Variants in DERL2 observed in about 807,000 individuals in gnomAD.
DERL2 encodes the protein derlin 2.
In DERL2, 13 loss-of-function variants were observed where a neutral mutation model predicts 32.0. The observed-to-expected ratio is 0.41, with a 90% CI of 0.26 to 0.65. DERL2 has a LOEUF of 0.65. DERL2 is among the 30% of genes least tolerant of loss of function. The pLI, the probability that DERL2 is intolerant of heterozygous loss-of-function variation, is 0.35. For synonymous variants in DERL2, 111 were observed against 104.7 expected (o/e 1.06, Z -0.37); for missense variants, 208 against 296.3 (o/e 0.70, Z 2.19).
At chr17:5,483,171 T>G (rs918563976) in intron 2 of DERL2, among the ~76,000 whole-genome samples, 4 of 152,154 alleles carry the variant, frequency 2.6e-5, no homozygotes, top group Non-Finnish European at 5.9e-5. Context: ...CTGGAAAGAC[T>G]AGGTTAATCG....
chr17:5,480,354 A>T lies in DERL2; in HGVS notation c.523+33T>A, dbSNP rs752629404. 3.8e-6 allele frequency: 6 copies of T among 1,577,080 alleles called. No individual in the cohort carries two copies. In the African/African-American group the frequency reaches 8.3e-5, roughly 22 times the overall value. On this transcript the variant is annotated intron_variant, in intron 5 of 6. Transcript: ENST00000158771. ...TAGTAACAAAATACTTTTACAGGTA[A>T]AATAATTTAAAAAATAGTGAGAAGA...
chr17:5,480,776 A>G (rs1463722642), intron 4 of DERL2, 194 bp from the exon 5 acceptor site: 5 of 476,838 alleles, frequency 1.0e-5, no homozygotes, highest in Admixed American at 3.9e-5. Context: ...AGGCTAAATT[A>G]TCGAGATTTA....
Position 5,474,442 on chromosome 17 carries a change from T to C in DERL2, c.*242A>G. 2.5e-6 allele frequency: 1 copy of C among 404,214 alleles called. No individual in the cohort carries two copies. Among genetic ancestry groups the C allele is most frequent in the Non-Finnish European group, 4.4e-6 (1 of 227,400 alleles). The allele number at this position is 404,214 out of a possible 1,614,324, so 25.0% of individuals were successfully genotyped here. ...TGTACTTGTTAGAGGTGGCAGGATATTTGTTTCTCCAGTTTTTTGGCTCTA... is the reference window on the plus strand; with the variant it reads ...TGTACTTGTTAGAGGTGGCAGGATACTTGTTTCTCCAGTTTTTTGGCTCTA... On this transcript the variant is annotated 3_prime_UTR_variant, in exon 7 of 7. Coordinates refer to ENST00000158771, the MANE Select transcript of DERL2 (RefSeq NM_016041.5). The surrounding 1 kb of genome is among the most constrained non-coding windows in gnomAD (Gnocchi z 4.3).
intron 2 of DERL2, among the ~76,000 whole-genome samples, chr17:5,484,016 T>C (rs1905975889): frequency 1.3e-5 from 2 of 152,234 alleles, no homozygotes; most frequent in South Asian, 2.1e-4. Flanking sequence ...AGCATACGCA[T>C]AACTGCAAAG....
intron 2 of DERL2, 130 bp downstream of exon 2, chr17:5,485,021 G>C (rs892453541): frequency 2.7e-5 from 15 of 545,956 alleles, no homozygotes; most frequent in Middle Eastern, 3.5e-4. Flanking sequence ...TTTATATCCT[G>C]ACAAGGCAAC....
chr17:5,482,790 C>T lies in DERL2; in HGVS notation c.233+19G>A. Reference sequence around the variant, plus strand: ...CCTAAGAAAAAGTTTTGATGCTGACCCCATTTAATAAAGGATACAGAAAAA... The same window carrying T: ...CCTAAGAAAAAGTTTTGATGCTGACTCCATTTAATAAAGGATACAGAAAAA... On this transcript the variant is annotated intron_variant, in intron 3 of 6. Coordinates refer to ENST00000158771, the MANE Select transcript of DERL2 (RefSeq NM_016041.5). 1 of 1,341,788 alleles carries T rather than the reference C, an allele frequency of 7.5e-7. No homozygotes were observed. The highest frequency in any genetic ancestry group is 1.0e-6 in the Non-Finnish European group (1 of 961,314). The allele number at this position is 1,341,788 out of a possible 1,614,324, so 83.1% of individuals were successfully genotyped here.
Position 5,479,523 on chromosome 17 carries a change from A to AAAAG in DERL2, c.614+527_614+530dup, listed in dbSNP as rs1567611522. On this transcript the variant is annotated intron_variant, in intron 6 of 6. Coordinates refer to ENST00000158771, the MANE Select transcript of DERL2 (RefSeq NM_016041.5). ...AAAAAAAAAAAAAAAAAAAAAAAAA[A>AAAAG]AAAGAAAGAAAGAAATCAAAGTTCT... 9.2e-5 allele frequency among the ~76,000 whole-genome samples: 13 copies of AAAAG among 142,026 alleles called. 1 individual carries two copies. Among genetic ancestry groups the AAAAG allele is most frequent in the East Asian group, 6.3e-4 (3 of 4,776 alleles). The allele number at this position is 142,026 out of a possible 152,430, so 93.2% of individuals were successfully genotyped here.
At chr17:5,475,384 C>T (rs1207843075) in intron 6 of DERL2, among the ~76,000 whole-genome samples, 6 of 151,874 alleles carry the variant, frequency 4.0e-5, no homozygotes, top group African/African-American at 9.7e-5. Context: ...CTCAGCCTCC[C>T]GAGTAGCTGG....
chr17:5,482,719 CA>C, intron 3 of DERL2, 89 bp downstream of exon 3: 7 of 745,868 alleles, frequency 9.4e-6, no homozygotes, highest in African/African-American at 1.8e-5. Context: ...AAGATGGTAC[CA>C]AAAACAAGTA....
intron 5 of DERL2, 51 bp from the exon 6 acceptor site, chr17:5,480,195 G>A (rs2151704792): frequency 7.4e-7 from 1 of 1,355,474 alleles, no homozygotes; most frequent in East Asian, 2.3e-5. Context: ...AATTTAGATT[G>A]CAGGTAGACC....
intron 2 of DERL2, 115 bp downstream of exon 2, chr17:5,485,036 A>G: frequency 1.6e-6 from 1 of 619,506 alleles, no homozygotes; most frequent in Non-Finnish European, 2.7e-6. Flanking sequence ...GGCAACTTAT[A>G]ATCAAAGGTC....
chr17:5,474,831 C>T lies in DERL2; in HGVS notation c.615-42G>A, dbSNP rs1398244177. On this transcript the variant is annotated intron_variant, in intron 6 of 6. Coordinates refer to ENST00000158771, the MANE Select transcript of DERL2 (RefSeq NM_016041.5). This position sits in a 1 kb window ranked among gnomAD's most constrained non-coding sequence, Gnocchi z 4.3. ...AGATATAATTTGGTCCCAGAGTCAT[C>T]TCAGGTCCAAAGTACTACAAGGTCA... 2 of 1,534,528 alleles carry T rather than the reference C, an allele frequency of 1.3e-6. No individual in the cohort carries two copies. Among genetic ancestry groups the T allele is most frequent in the South Asian group, 2.3e-5 (2 of 87,978 alleles).
intron 6 of DERL2, 61 bp downstream of exon 6, chr17:5,479,993 C>T: frequency 1.9e-6 from 2 of 1,062,188 alleles, no homozygotes; most frequent in Non-Finnish European, 2.8e-6. Flanking sequence ...AAAGAAAACA[C>T]AGATCATGCC....
intron 6 of DERL2, among the ~76,000 whole-genome samples, chr17:5,475,614 C>T (rs56968592): frequency 0.28 from 41,833 of 151,700 alleles, 7,143 homozygotes; most frequent in African/African-American, 0.49. Context: ...GGCGTGGTGG[C>T]GCATGCCTGT....
At chr17:5,480,832 T>C (rs1299543563) in intron 4 of DERL2, 2 of 456,658 alleles carry the variant, frequency 4.4e-6, no homozygotes, top group African/African-American at 4.1e-5. Context: ...TTCTTGCCTC[T>C]TTGGAAAATG....
In DERL2 at chr17:5,476,947, G is replaced by A. The variant is rs147509594; in HGVS notation, c.615-2158C>T. Among the ~76,000 whole-genome samples, 11 of 152,284 alleles carry A rather than the reference G, an allele frequency of 7.2e-5. No individual in the cohort carries two copies. In the East Asian group the frequency reaches 2.1e-3, roughly 29 times the overall value. On this transcript the variant is annotated intron_variant, in intron 6 of 6. Coordinates refer to ENST00000158771, the MANE Select transcript of DERL2 (RefSeq NM_016041.5). ...ATGTTAGCCCGAGTAGGATGGGGAG[G>A]CATCCCTGTAAGAGGGCAGCCTGGT...
chr17:5,476,138 G>T (rs1211450251), intron 6 of DERL2, among the ~76,000 whole-genome samples: 1 of 152,124 alleles, frequency 6.6e-6, no homozygotes, highest in Non-Finnish European at 1.5e-5. Flanking sequence ...CATAGGAGGG[G>T]ATAGTAAATG....
intron 2 of DERL2, among the ~76,000 whole-genome samples, chr17:5,483,328 CT>C (rs998472003): frequency 2.1e-5 from 3 of 143,144 alleles, no homozygotes; most frequent in African/African-American, 2.6e-5. Flanking sequence ...AAGGAAAATT[CT>C]TTTTTTTTAA....
chr17:5,485,173 T>C lies in DERL2; in HGVS notation c.137A>G (p.Glu46Gly), dbSNP rs1906096171. The change falls in exon 2 of 7, where the codon GAA (glutamate) becomes GGA (glycine). Residue 46 changes from glutamate to glycine, a missense_variant. Coordinates refer to ENST00000158771, the MANE Select transcript of DERL2 (RefSeq NM_016041.5). ...ITPFQLYFNP[E>G]LIFKHFQIWR... ...TACTTGAAAGTGTTTAAAGATTAAT[T>C]CAGGATTGAAGTACAACTGAAAAGG... The C allele has an allele frequency of 6.3e-7, 1 of 1,595,094 alleles. No individual in the cohort carries two copies. Among genetic ancestry groups the C allele is most frequent in the African/African-American group, 1.4e-5 (1 of 73,910 alleles).
Sources: allele counts gnomAD v4.1 joint callset (sites outside exome capture counted in the v4.1 genomes callset), GRCh38; gene constraint gnomAD v4.1.1; non-coding constraint Gnocchi (gnomAD v3.1); transcripts MANE v1.5; gene names NCBI Gene and HGNC (gene_info 2026-07-23, HGNC 2026-07-21).